The following EIF4G3 variants were observed in gnomAD, a reference collection of about 807,000 sequenced individuals.
The protein encoded by EIF4G3 is eukaryotic translation initiation factor 4 gamma 3.
In EIF4G3, 34 loss-of-function variants were observed where a neutral mutation model predicts 186.4. That is an observed-to-expected ratio of 0.18 (90% CI 0.14 to 0.24). The LOEUF (loss-of-function observed/expected upper bound fraction) is 0.24. Ranked by LOEUF, EIF4G3 falls within the 10% of genes least tolerant of loss-of-function variation. The probability of loss-of-function intolerance (pLI) is 1.00; values close to 1 mark genes in which losing one functional copy is unlikely to be tolerated. For synonymous variants in EIF4G3, 673 were observed against 679.5 expected (o/e 0.99, Z 0.15); for missense variants, 1,536 against 1,948.5 (o/e 0.79, Z 3.99).
Position 20,895,476 on chromosome 1 carries a change from T to C in EIF4G3, c.2025A>G (p.Glu675=). 1 of 1,614,014 alleles carries C rather than the reference T, an allele frequency of 6.2e-7. No homozygotes were observed. The highest frequency in any genetic ancestry group is 1.3e-5 in the African/African-American group (1 of 75,030). The part of the protein sequence containing the change: ...KPESWKPTDT[E]GKKQYDREFL... ...ACTCCCTGTCATACTGCTTCTTACC[T>C]TCAGTATCAGTAGGCTTCCAGGATT... Residue 675 remains glutamate (E), a synonymous_variant, in exon 17 of 37, where the codon GAA becomes GAG. Coordinates refer to ENST00000602326, the MANE Select transcript of EIF4G3 (RefSeq NM_001391906.1).
At chr1:21,070,586 T>G (rs1425075812) in intron 3 of EIF4G3, among the ~76,000 whole-genome samples, 1 of 151,898 alleles carries the variant, frequency 6.6e-6, no homozygotes, top group African/African-American at 2.4e-5. Context: ...TTCTTAACTA[T>G]TAATTTTTTA....
intron 12 of EIF4G3, among the ~76,000 whole-genome samples, chr1:20,962,898 T>C (rs1430943864): frequency 6.8e-6 from 1 of 146,348 alleles, no homozygotes; most frequent in Non-Finnish European, 1.5e-5. Flanking sequence ...ATATTGCCTC[T>C]TGTAGTTTTG....
chr1:20,944,505 A>G (rs1219225182), intron 13 of EIF4G3, among the ~76,000 whole-genome samples: 1 of 149,616 alleles, frequency 6.7e-6, no homozygotes, highest in African/African-American at 2.5e-5. Context: ...ATAGAGCAAG[A>G]CGCTGTCTCA....
rs1457705625 is a variant in EIF4G3, at chr1:21,050,957, G to A, written c.-158C>T. 1.4e-5 allele frequency: 10 copies of A among 717,194 alleles called. No individual in the cohort carries two copies. The highest frequency in any genetic ancestry group is 2.6e-5 in the Non-Finnish European group (10 of 385,018). The allele number at this position is 717,194 out of a possible 1,614,324, so 44.4% of individuals were successfully genotyped here. On this transcript the variant is annotated 5_prime_UTR_variant, in exon 4 of 37. Coordinates refer to ENST00000602326, the MANE Select transcript of EIF4G3 (RefSeq NM_001391906.1). ...TATTTCATGTGCTGAATAAGGGGAT[G>A]GGGTAGGGGTTCCCGGCTGTCTTGC...
Position 20,941,743 on chromosome 1 carries a change from G to A in EIF4G3, c.1411C>T (p.Pro471Ser). Residue 471 changes from proline to serine, a missense_variant, in exon 14 of 37, where the codon CCT (proline) becomes TCT (serine). Pro to Ser is a moderately conservative substitution (Grantham distance 74). Coordinates refer to ENST00000602326, the MANE Select transcript of EIF4G3 (RefSeq NM_001391906.1). ...GCTGGAGGAGTTGGAGGAGTTGGAGGAAAGGAAGGAACTGTGGAAGGGGTG... is the reference window on the plus strand; with the variant it reads ...GCTGGAGGAGTTGGAGGAGTTGGAGAAAAGGAAGGAACTGTGGAAGGGGTG... ...PITPSTVPSF[P>S]PTPPTPPASP... 6.2e-7 allele frequency: 1 copy of A among 1,610,636 alleles called. No homozygotes were observed. Among genetic ancestry groups the A allele is most frequent in the East Asian group, 2.2e-5 (1 of 44,848 alleles).
At position 21,022,125 on chromosome 1, in the gene EIF4G3, C is replaced by T. The variant is rs573714200; in HGVS notation, c.-66-19317G>A. Among the ~76,000 whole-genome samples, 3 of 152,142 alleles carry T rather than the reference C, an allele frequency of 2.0e-5. No individual in the cohort carries two copies. In the East Asian group the frequency reaches 5.8e-4, roughly 29 times the overall value. Reference sequence around the variant, plus strand: ...GTCCAAAGTATAATCTAAAATGGTACAGAATTATTTTATGGATAATTTAAA... The same window carrying T: ...GTCCAAAGTATAATCTAAAATGGTATAGAATTATTTTATGGATAATTTAAA... On this transcript the variant is annotated intron_variant, in intron 4 of 36. Coordinates refer to ENST00000602326, the MANE Select transcript of EIF4G3 (RefSeq NM_001391906.1).
At chr1:21,059,525 T>C (rs1335084703) in intron 3 of EIF4G3, among the ~76,000 whole-genome samples, 1 of 151,702 alleles carries the variant, frequency 6.6e-6, no homozygotes, top group African/African-American at 2.4e-5. Flanking sequence ...GTTAATATCA[T>C]TGCCAATCCC....
chr1:21,050,769 T>A, intron 4 of EIF4G3, 97 bp downstream of exon 4: 1 of 631,534 alleles, frequency 1.6e-6, no homozygotes, highest in Non-Finnish European at 2.8e-6. Flanking sequence ...ACTATACAAG[T>A]AATGTTTTAT....
At chr1:21,014,056 G>C (rs1004887385) in intron 4 of EIF4G3, among the ~76,000 whole-genome samples, 1 of 152,132 alleles carries the variant, frequency 6.6e-6, no homozygotes, top group Admixed American at 6.5e-5. Flanking sequence ...TATAATCCCA[G>C]CTACTTGGGA....
chr1:20,958,333 C>T (rs2096487173), intron 12 of EIF4G3, among the ~76,000 whole-genome samples: 1 of 152,166 alleles, frequency 6.6e-6, no homozygotes, highest in South Asian at 2.1e-4. Context: ...AAAAAGCATT[C>T]AACAAAATCC....
Position 20,852,518 on chromosome 1 carries a change from C to T in EIF4G3, c.3552-1040G>A, listed in dbSNP as rs564771173. Among the ~76,000 whole-genome samples the T allele has an allele frequency of 1.7e-3, 254 of 152,232 alleles. 2 individuals are homozygous for T. Among genetic ancestry groups the T allele is most frequent in the African/African-American group, 5.8e-3 (240 of 41,536 alleles). On this transcript the variant is annotated intron_variant, in intron 27 of 36. Coordinates refer to ENST00000602326, the MANE Select transcript of EIF4G3 (RefSeq NM_001391906.1). ...GAAGAAGCTGTCTTGGATTAGCCAA[C>T]GCTATATATTTTATTCCTTTTAAGA...
Position 20,857,714 on chromosome 1 carries a change from T to A in EIF4G3, c.3245-217A>T, listed in dbSNP as rs1217419105. On this transcript the variant is annotated intron_variant, in intron 24 of 36. Coordinates refer to ENST00000602326, the MANE Select transcript of EIF4G3 (RefSeq NM_001391906.1). ...CAGCAGAAGCACTGCTTATTTTGGA[T>A]CACCCATGAAACATTACTGACCTAG... Among the ~76,000 whole-genome samples, 3 of 152,144 alleles carry A rather than the reference T, an allele frequency of 2.0e-5. No individual in the cohort carries two copies. The East Asian group carries it at 5.8e-4, about 29-fold the overall frequency.
intron 14 of EIF4G3, among the ~76,000 whole-genome samples, chr1:20,919,632 G>A (rs781733387): frequency 2.6e-5 from 4 of 151,934 alleles, no homozygotes; most frequent in Non-Finnish European, 5.9e-5. Flanking sequence ...TGAAATTAAG[G>A]CAAGGAAAAG....
chr1:20,886,136 C>A (rs576274541), intron 19 of EIF4G3, 65 bp downstream of exon 19: 2 of 1,514,466 alleles, frequency 1.3e-6, no homozygotes, highest in African/African-American at 1.4e-5. Context: ...ATTAGCAAAG[C>A]AAAATAAGTT....
At chr1:20,881,224 G>T (rs541960770) in intron 19 of EIF4G3, among the ~76,000 whole-genome samples, 1 of 152,312 alleles carries the variant, frequency 6.6e-6, no homozygotes, top group South Asian at 2.1e-4. Context: ...TTTCAATGGA[G>T]AAAGGATAAT....
intron 2 of EIF4G3, among the ~76,000 whole-genome samples, chr1:21,098,934 G>A (rs1389782637): frequency 6.6e-6 from 1 of 152,154 alleles, no homozygotes; most frequent in Non-Finnish European, 1.5e-5. Context: ...ACTGTGCCTA[G>A]CCTCAAATGG....
intron 2 of EIF4G3, among the ~76,000 whole-genome samples, chr1:21,124,718 G>T (rs2096995313): frequency 6.6e-6 from 1 of 151,918 alleles, no homozygotes; most frequent in Non-Finnish European, 1.5e-5. Context: ...CATTTATTTT[G>T]GTCAGCCAAC....
chr1:20,951,731 G>A (rs1039142251), intron 12 of EIF4G3, among the ~76,000 whole-genome samples: 2 of 137,462 alleles, frequency 1.5e-5, no homozygotes, highest in African/African-American at 5.1e-5. Flanking sequence ...AATTGCCTGG[G>A]AAATTAATAA....
Position 20,869,647 on chromosome 1 carries a change from C to G in EIF4G3, c.2623-4385G>C, listed in dbSNP as rs147944376. ...AAAATTAGCTGGGCGTGGTGGCGGG[C>G]GCCTGTAGTCCCAGCTATTCGGGAG... is the stretch of plus-strand genomic sequence containing the variant. On this transcript the variant is annotated intron_variant, in intron 20 of 36. Coordinates refer to ENST00000602326, the MANE Select transcript of EIF4G3 (RefSeq NM_001391906.1). 6.6e-3 allele frequency among the ~76,000 whole-genome samples: 1,001 copies of G among 151,586 alleles called. 8 individuals carry two copies. The highest frequency in any genetic ancestry group is 0.023 in the African/African-American group (938 of 41,310).
Sources: gnomAD v4.1 joint callset for allele counts (sites outside exome capture counted in the v4.1 genomes callset) on GRCh38, gnomAD v4.1.1 for gene constraint, MANE v1.5 for transcripts, NCBI Gene and HGNC (gene_info 2026-07-23, HGNC 2026-07-21) for gene names.